CDK7: variants seen among roughly 807,000 people sequenced by gnomAD.
CDK7 encodes the protein cyclin-dependent kinase 7.
In CDK7, 25 loss-of-function variants were observed where a neutral mutation model predicts 49.1. That is an observed-to-expected ratio of 0.51 (90% CI 0.37 to 0.71). The LOEUF is 0.71. CDK7 is among the 30% of genes least tolerant of loss of function. The pLI is 0.00. For synonymous variants in CDK7, 107 were observed against 140.0 expected, an observed-to-expected ratio of 0.76 and a Z score of 1.67; for missense variants, 316 against 411.7, an observed-to-expected ratio of 0.77 and a Z score of 2.01.
intron 8 of CDK7, among the ~76,000 whole-genome samples, chr5:69,265,652 G>A (rs10805428): frequency 0.28 from 42,531 of 152,116 alleles, 6,540 homozygotes; most frequent in East Asian, 0.4. Flanking sequence ...GCTCACTCCT[G>A]TAATCCCAGC....
In CDK7 at chr5:69,254,682, A is replaced by G; in HGVS notation, c.228+13A>G. The G allele has an allele frequency of 7.2e-7, 1 of 1,389,622 alleles. No individual in the cohort carries two copies. Among genetic ancestry groups the G allele is most frequent in the Non-Finnish European group, 1.0e-6 (1 of 977,502 alleles). 86.1% of individuals were successfully genotyped at this position (1,389,622 alleles called of 1,614,324 possible). On this transcript the variant is annotated intron_variant, in intron 4 of 11. Coordinates refer to ENST00000256443, the MANE Select transcript of CDK7 (RefSeq NM_001799.4). ...AAATATAATTGGTGTGAGTATGATC[A>G]AAACTGTTACTGGGATTTGGGACTC... is the stretch of plus-strand genomic sequence containing the variant.
At chr5:69,235,866 G>A (rs2930949) in intron 2 of CDK7, among the ~76,000 whole-genome samples, 92,598 of 152,136 alleles carry the variant, frequency 0.61, 28,799 homozygotes, top group African/African-American at 0.74. Context: ...ATTGATGTGA[G>A]GTCTAAAATG....
chr5:69,246,200 G>A (rs554608757), intron 2 of CDK7, among the ~76,000 whole-genome samples: 4 of 152,022 alleles, frequency 2.6e-5, no homozygotes, highest in South Asian at 2.1e-4. Flanking sequence ...GCAGTGGCGC[G>A]ATCTTGGCTC....
At chr5:69,241,927 C>T (rs1200943819) in intron 2 of CDK7, among the ~76,000 whole-genome samples, 2 of 152,060 alleles carry the variant, frequency 1.3e-5, no homozygotes, top group Admixed American at 6.6e-5. Flanking sequence ...CCCATTTGTC[C>T]ATTTTTGCAT....
At chr5:69,265,993 T>TG (rs1751132216) in intron 8 of CDK7, among the ~76,000 whole-genome samples, 1 of 151,120 alleles carries the variant, frequency 6.6e-6, no homozygotes, top group Non-Finnish European at 1.5e-5. Flanking sequence ...GAGGCTGAAG[T>TG]GGGAGGATTG....
At chr5:69,257,216 T>C (rs1352202747) in intron 5 of CDK7, among the ~76,000 whole-genome samples, 3 of 152,076 alleles carry the variant, frequency 2.0e-5, no homozygotes, top group African/African-American at 7.2e-5. Flanking sequence ...TCAGGGAATT[T>C]GGGGAGGTTA....
chr5:69,273,426 T>A (rs1484000986), intron 10 of CDK7, among the ~76,000 whole-genome samples: 1 of 152,224 alleles, frequency 6.6e-6, no homozygotes, highest in African/African-American at 2.4e-5. Flanking sequence ...ATGCTGAAAG[T>A]AGTTTGTTCG....
At chr5:69,247,589 T>C (rs1453170424) in intron 2 of CDK7, among the ~76,000 whole-genome samples, 1 of 152,024 alleles carries the variant, frequency 6.6e-6, no homozygotes, top group Non-Finnish European at 1.5e-5. Context: ...GTGATATTAT[T>C]GATAAGAACT....
intron 8 of CDK7, among the ~76,000 whole-genome samples, chr5:69,266,734 A>G (rs1427895754): frequency 3.3e-5 from 5 of 151,890 alleles, no homozygotes; most frequent in Non-Finnish European, 7.4e-5. Flanking sequence ...ACCGATGGAT[A>G]TGATTGGTTT....
intron 2 of CDK7, among the ~76,000 whole-genome samples, chr5:69,244,892 G>A (rs546332027): frequency 2.0e-5 from 3 of 152,080 alleles, no homozygotes; most frequent in East Asian, 3.9e-4. Context: ...TTATCATGAA[G>A]GGATGTTAGA....
At chr5:69,276,201 G>A (rs1236153072) in intron 10 of CDK7, among the ~76,000 whole-genome samples, 1 of 152,036 alleles carries the variant, frequency 6.6e-6, no homozygotes, top group Non-Finnish European at 1.5e-5. Context: ...GCTTATTTTT[G>A]TATTTTTAGT....
chr5:69,264,197 T>G (rs1751001704), intron 8 of CDK7, among the ~76,000 whole-genome samples: 1 of 152,042 alleles, frequency 6.6e-6, no homozygotes, highest in Non-Finnish European at 1.5e-5. Flanking sequence ...CAGCCCCCTT[T>G]CCAAATATTC....
chr5:69,258,261 T>G (rs1750608412), intron 6 of CDK7, 108 bp downstream of exon 6: 1 of 574,788 alleles, frequency 1.7e-6, no homozygotes, highest in Non-Finnish European at 3.0e-6. Flanking sequence ...TATAGCTGAC[T>G]GTTTTATCCC....
Position 69,259,812 on chromosome 5 carries a change from A to G in CDK7, c.409-6A>G. 6.3e-7 allele frequency: 1 copy of G among 1,596,800 alleles called. No homozygotes were observed. The highest frequency in any genetic ancestry group is 8.6e-7 in the Non-Finnish European group (1 of 1,164,298). On this transcript the variant is annotated splice_region_variant and splice_polypyrimidine_tract_variant and intron_variant, in intron 6 of 11. Coordinates refer to ENST00000256443, the MANE Select transcript of CDK7 (RefSeq NM_001799.4). The stretch of plus-strand genomic sequence containing the variant: ...TATTTGTTTGTTTAAAACTTCCGTC[A>G]TATAGGATCTGAAACCAAACAACTT...
intron 8 of CDK7, among the ~76,000 whole-genome samples, chr5:69,267,539 C>T (rs990254604): frequency 3.9e-5 from 6 of 151,910 alleles, no homozygotes; most frequent in East Asian, 1.9e-4. Context: ...TCAATTGATC[C>T]ACTCGCCTCA....
Position 69,259,885 on chromosome 5 carries a change from C to A in CDK7, c.476C>A (p.Ala159Asp). The A allele has an allele frequency of 1.2e-6, 2 of 1,614,030 alleles. No homozygotes were observed. The highest frequency in any genetic ancestry group is 1.7e-6 in the Non-Finnish European group (2 of 1,179,924). ...GVLKLADFGL[A>D]KSFGSPNRAY... The stretch of plus-strand genomic sequence containing the variant: ...CTAAAACTGGCAGATTTTGGCCTGG[C>A]CAAATCTTTTGGGAGCCCCAATAGA... Residue 159 changes from alanine (A) to aspartate (D), a missense_variant, in exon 7 of 12, where the codon GCC (alanine) becomes GAC (aspartate). By Grantham distance (126) the Ala-to-Asp change is moderately radical (BLOSUM62 -2). Transcript: ENST00000256443.
At chr5:69,269,122 G>A in intron 8 of CDK7, 85 bp from the exon 9 acceptor site, 1 of 797,186 alleles carries the variant, frequency 1.3e-6, no homozygotes, top group South Asian at 1.7e-5. Flanking sequence ...CTGGGTGACA[G>A]AGCGAGACTC....
intron 2 of CDK7, among the ~76,000 whole-genome samples, chr5:69,248,375 T>C (rs543511995): frequency 6.6e-6 from 1 of 152,122 alleles, no homozygotes; most frequent in Middle Eastern, 3.4e-3. Context: ...ATCCTTTCTT[T>C]TTCTTTTCTT....
At chr5:69,266,982 G>A (rs1336344904) in intron 8 of CDK7, among the ~76,000 whole-genome samples, 2 of 152,194 alleles carry the variant, frequency 1.3e-5, no homozygotes, top group Non-Finnish European at 1.5e-5. Flanking sequence ...TTTATTATAA[G>A]TCTTTAGTAC....
Sources: allele counts gnomAD v4.1 joint callset (sites outside exome capture counted in the v4.1 genomes callset), GRCh38; gene constraint gnomAD v4.1.1; transcripts MANE v1.5; gene names NCBI Gene and HGNC (gene_info 2026-07-23, HGNC 2026-07-21).